TRPC4: variants seen among roughly 807,000 people sequenced by gnomAD.
TRPC4 encodes the protein transient receptor potential cation channel subfamily C member 4, also known as short transient receptor potential channel 4.
In TRPC4, 49 loss-of-function variants were observed where a neutral mutation model predicts 99.4. The observed-to-expected ratio is 0.49, with a 90% CI of 0.39 to 0.63. The LOEUF (loss-of-function observed/expected upper bound fraction) is 0.63. TRPC4 is among the 20% of genes least tolerant of loss of function. TRPC4 has a pLI of 0.00. For synonymous variants in TRPC4, 454 were observed against 425.9 expected, an observed-to-expected ratio of 1.07 and a Z score of -0.81; for missense variants, 898 against 1,152.9, an observed-to-expected ratio of 0.78 and a Z score of 3.20.
At chr13:37,751,836 A>G (rs1246926516) in intron 2 of TRPC4, among the ~76,000 whole-genome samples, 1 of 151,854 alleles carries the variant, frequency 6.6e-6, no homozygotes, top group East Asian at 1.9e-4. Flanking sequence ...GTATCTCCCA[A>G]GCAAAGTGAA....
chr13:37,855,144 T>C (rs1325788713), intron 1 of TRPC4, among the ~76,000 whole-genome samples: 1 of 151,680 alleles, frequency 6.6e-6, no homozygotes, highest in East Asian at 1.9e-4. Flanking sequence ...TGGAAAAAGA[T>C]ATTACATGCC....
intron 2 of TRPC4, among the ~76,000 whole-genome samples, chr13:37,756,707 G>C (rs1267596857): frequency 6.6e-6 from 1 of 151,018 alleles, no homozygotes; most frequent in Non-Finnish European, 1.5e-5. Context: ...TTAATTTTTT[G>C]GATTCTTAGC....
chr13:37,776,469 C>G (rs553349424), intron 2 of TRPC4, among the ~76,000 whole-genome samples: 6 of 151,892 alleles, frequency 4.0e-5, no homozygotes, highest in African/African-American at 7.2e-5. Context: ...AGCTCTCTCT[C>G]TCTCTGAATT....
At chr13:37,768,487 G>T (rs1011227050) in intron 2 of TRPC4, among the ~76,000 whole-genome samples, 11 of 149,198 alleles carry the variant, frequency 7.4e-5, no homozygotes, top group Admixed American at 3.4e-4. Context: ...ACAGATTTTT[G>T]AACTGATGTT....
At chr13:37,730,286 T>C (rs545063178) in intron 3 of TRPC4, among the ~76,000 whole-genome samples, 2 of 152,140 alleles carry the variant, frequency 1.3e-5, no homozygotes, top group African/African-American at 4.8e-5. Flanking sequence ...TACATATATA[T>C]ATATCACGTA....
intron 3 of TRPC4, among the ~76,000 whole-genome samples, chr13:37,725,181 T>C (rs139158045): frequency 6.6e-6 from 1 of 152,004 alleles, no homozygotes; most frequent in Non-Finnish European, 1.5e-5. Flanking sequence ...ACAATTGAAA[T>C]TGTCTAGTTT....
intron 1 of TRPC4, among the ~76,000 whole-genome samples, chr13:37,784,836 C>G (rs1257113782): frequency 6.6e-6 from 1 of 151,452 alleles, no homozygotes; most frequent in Non-Finnish European, 1.5e-5. Context: ...TAATTTTTAC[C>G]CTTTGACATC....
At chr13:37,684,728 A>C (rs975441378) in intron 4 of TRPC4, among the ~76,000 whole-genome samples, 1 of 151,710 alleles carries the variant, frequency 6.6e-6, no homozygotes, top group African/African-American at 2.4e-5. Flanking sequence ...CAAACTTCTG[A>C]ACATTTTAAA....
chr13:37,832,048 C>T (rs1387122918), intron 1 of TRPC4, among the ~76,000 whole-genome samples: 1 of 151,798 alleles, frequency 6.6e-6, no homozygotes, highest in Non-Finnish European at 1.5e-5. Flanking sequence ...ATGGTCTTAC[C>T]AAAAAGAAAT....
rs1555266914 is a variant in TRPC4, at chr13:37,752,075, C to CTATATATATGTATATATATATATA, written c.379-5621_379-5620insTATATATATATATACATATATATA. ...TACCAAAACCTGATAAAGCAGAAAA[C>CTATATATATGTATATATATATATA]TATATATATATATATATATATGACT... On this transcript the variant is annotated intron_variant, in intron 2 of 10. Coordinates refer to ENST00000379705, the MANE Select transcript of TRPC4 (RefSeq NM_016179.4). 6.6e-4 allele frequency among the ~76,000 whole-genome samples: 49 copies of CTATATATATGTATATATATATATA among 73,950 alleles called. 8 individuals are homozygous for CTATATATATGTATATATATATATA. The highest frequency in any genetic ancestry group is 5.8e-3 in the South Asian group (13 of 2,252). 48.5% of individuals were successfully genotyped at this position (73,950 alleles called of 152,430 possible).
intron 1 of TRPC4, among the ~76,000 whole-genome samples, chr13:37,826,850 T>C (rs187716993): frequency 2.0e-5 from 3 of 152,320 alleles, no homozygotes; most frequent in African/African-American, 7.2e-5. Context: ...TTCTCCTGGA[T>C]AATATCTTGC....
At chr13:37,842,082 C>G (rs1008159679) in intron 1 of TRPC4, among the ~76,000 whole-genome samples, 1 of 151,736 alleles carries the variant, frequency 6.6e-6, no homozygotes, top group African/African-American at 2.4e-5. Flanking sequence ...CCAGCCTGGC[C>G]AACACGGTGA....
At position 37,639,123 on chromosome 13, in the gene TRPC4, T is replaced by A. The variant is rs1247761040; in HGVS notation, c.2128A>T (p.Met710Leu). The A allele has an allele frequency of 6.2e-7, 1 of 1,613,588 alleles. No homozygotes were observed. Among genetic ancestry groups the A allele is most frequent in the Non-Finnish European group, 8.5e-7 (1 of 1,179,644 alleles). The change falls in exon 10 of 11, where the codon ATG becomes TTG. Residue 710 changes from methionine to leucine, a missense_variant. Met to Leu is a conservative substitution (Grantham distance 15). Transcript: ENST00000379705. ...LRRHHQYQEVMRNLVKRYVAA... is the reference protein window; with the variant it reads ...LRRHHQYQEVLRNLVKRYVAA... ...ACGTATCGCTTCACCAGGTTCCTCATAACTTCCTGAGGCATTTTAGAACAA... is the reference window on the plus strand; with the variant it reads ...ACGTATCGCTTCACCAGGTTCCTCAAAACTTCCTGAGGCATTTTAGAACAA...
In TRPC4 at chr13:37,650,610, T is replaced by TACAC. The variant is rs1555250394; in HGVS notation, c.2079+654_2079+655insGTGT. Reference sequence around the variant, plus strand: ...CTCTCTGTCTCTCTCTCTCTCTCTCTATACACACACACACACACACACACA... The same window carrying TACAC: ...CTCTCTGTCTCTCTCTCTCTCTCTCTACACATACACACACACACACACACACACA... On this transcript the variant is annotated intron_variant, in intron 8 of 10. Transcript: ENST00000379705. Among the ~76,000 whole-genome samples, 8 of 65,130 alleles carry TACAC rather than the reference T, an allele frequency of 1.2e-4. No individual in the cohort carries two copies. In the South Asian group the frequency reaches 3.7e-3, roughly 30 times the overall value. The allele number at this position is 65,130 out of a possible 152,430, so 42.7% of individuals were successfully genotyped here. A position where few individuals can be genotyped will look rare whatever the true frequency, so the allele number is the denominator to read the frequency against.
At position 37,633,286 on chromosome 13, in the gene TRPC4, G is replaced by T. The variant is rs1218902912; in HGVS notation, c.*3617C>A. Among the ~76,000 whole-genome samples, 1 of 152,064 alleles carries T rather than the reference G, an allele frequency of 6.6e-6. No individual in the cohort carries two copies. Among genetic ancestry groups the T allele is most frequent in the East Asian group, 1.9e-4 (1 of 5,182 alleles). The stretch of plus-strand genomic sequence containing the variant: ...TAATACAGAGAAAGAAAAATATATT[G>T]TAAGCATATTTACAGGGCCACAATG... On this transcript the variant is annotated 3_prime_UTR_variant, in exon 11 of 11. Transcript: ENST00000379705.
chr13:37,639,404 A>G (rs1334159311), intron 8 of TRPC4, 105 bp from the exon 9 acceptor site: 8 of 1,272,072 alleles, frequency 6.3e-6, no homozygotes, highest in Non-Finnish European at 7.6e-6. Flanking sequence ...ATTTCTTCAA[A>G]GTGGGAGTTT....
In TRPC4 at chr13:37,635,341, C is replaced by A. The variant is rs1283042337; in HGVS notation, c.*1562G>T. Among the ~76,000 whole-genome samples the A allele has an allele frequency of 2.0e-5, 3 of 152,142 alleles. No individual in the cohort carries two copies. The highest frequency in any genetic ancestry group is 4.4e-5 in the Non-Finnish European group (3 of 68,018). ...ATTACCTTAGCCAGTTAGTGCTGGT[C>A]TCAGTTTCATCATATGTGAAATGGG... is the stretch of plus-strand genomic sequence containing the variant. On this transcript the variant is annotated 3_prime_UTR_variant, in exon 11 of 11. Coordinates refer to ENST00000379705, the MANE Select transcript of TRPC4 (RefSeq NM_016179.4).
At chr13:37,813,045 T>C (rs2139486800) in intron 1 of TRPC4, among the ~76,000 whole-genome samples, 1 of 151,878 alleles carries the variant, frequency 6.6e-6, no homozygotes, top group Non-Finnish European at 1.5e-5. Context: ...CAAAATATCT[T>C]TCCAAACAAA....
rs1246303444 is a variant in TRPC4, at chr13:37,639,265, T to C, written c.2114A>G (p.Gln705Arg). ...RAADNLRRHH[Q>R]YQEVMRNLVK... ...AGTACAAGGACAACTTACTTGGTAT[T>C]GGTGATGTCTTCTCAAGTTATCAGC... is the stretch of plus-strand genomic sequence containing the variant. Residue 705 changes from glutamine (Q) to arginine (R), a missense_variant, in exon 9 of 11, where the codon CAA (glutamine) becomes CGA (arginine). By Grantham distance (43) the Gln-to-Arg change is conservative. Transcript: ENST00000379705. 4 of 1,613,630 alleles carry C rather than the reference T, an allele frequency of 2.5e-6. No individual in the cohort carries two copies. The highest frequency in any genetic ancestry group is 2.7e-5 in the African/African-American group (2 of 74,914).
Sources: gnomAD v4.1 joint callset for allele counts (sites outside exome capture counted in the v4.1 genomes callset) on GRCh38, gnomAD v4.1.1 for gene constraint, MANE v1.5 for transcripts, NCBI Gene and HGNC (gene_info 2026-07-23, HGNC 2026-07-21) for gene names.